The following ABCG2 variants were observed in gnomAD, a reference collection of about 807,000 sequenced individuals.
ABCG2 encodes ATP binding cassette subfamily G member 2 (JR blood group), also known as broad substrate specificity ATP-binding cassette transporter ABCG2.
In ABCG2, 80 loss-of-function variants were observed where a neutral mutation model predicts 73.5. The observed-to-expected ratio is 1.09, with a 90% CI of 0.91 to 1.31. ABCG2 has a LOEUF of 1.31. Ranked by LOEUF, ABCG2 falls within the 50% of genes most tolerant of loss-of-function variation. ABCG2 has a pLI of 0.00. For synonymous variants in ABCG2, 269 were observed against 282.4 expected (o/e 0.95, Z 0.48); for missense variants, 796 against 786.2 (o/e 1.01, Z -0.15).
chr4:88,170,390 A>G (rs938241903), intron 1 of ABCG2, among the ~76,000 whole-genome samples: 21 of 152,338 alleles, frequency 1.4e-4, no homozygotes, highest in African/African-American at 5.1e-4. Flanking sequence ...ATCCTGACAC[A>G]AAAACAGGCA....
chr4:88,146,118 A>T (rs746459729), intron 1 of ABCG2, among the ~76,000 whole-genome samples: 6 of 152,114 alleles, frequency 3.9e-5, no homozygotes, highest in African/African-American at 7.2e-5. Context: ...ACTTTTGTTA[A>T]ATCAGAACCA....
intron 1 of ABCG2, among the ~76,000 whole-genome samples, chr4:88,158,010 G>A (rs1257077864): frequency 6.6e-6 from 1 of 152,054 alleles, no homozygotes; most frequent in Non-Finnish European, 1.5e-5. Context: ...TTCCTATATT[G>A]GTCAACCCCT....
chr4:88,227,005 G>A (rs776148156), intron 1 of ABCG2, among the ~76,000 whole-genome samples: 6 of 152,066 alleles, frequency 3.9e-5, no homozygotes, highest in East Asian at 3.9e-4. Context: ...CCAGCTACTC[G>A]GGAGGTTGAT....
chr4:88,213,830 C>T (rs1729695054), intron 1 of ABCG2, among the ~76,000 whole-genome samples: 1 of 151,538 alleles, frequency 6.6e-6, no homozygotes. Flanking sequence ...CTATAGGCAC[C>T]TGCCACCGTG....
chr4:88,218,053 G>A (rs982881433), intron 1 of ABCG2, among the ~76,000 whole-genome samples: 4 of 151,690 alleles, frequency 2.6e-5, no homozygotes, highest in African/African-American at 9.7e-5. Context: ...GGTCTCCCAG[G>A]TGTTTCTCTA....
At chr4:88,193,081 A>C (rs764342402) in intron 1 of ABCG2, among the ~76,000 whole-genome samples, 13 of 151,990 alleles carry the variant, frequency 8.6e-5, no homozygotes, top group Non-Finnish European at 1.6e-4. Flanking sequence ...ATATATAATT[A>C]TTTATTTAAA....
chr4:88,146,844 C>A (rs1163696477), intron 1 of ABCG2, among the ~76,000 whole-genome samples: 1 of 147,234 alleles, frequency 6.8e-6, no homozygotes, highest in African/African-American at 2.5e-5. Context: ...GGAATCCAGC[C>A]TAAGCAACAG....
At chr4:88,152,379 A>C (rs1485687728) in intron 1 of ABCG2, among the ~76,000 whole-genome samples, 1 of 152,210 alleles carries the variant, frequency 6.6e-6, no homozygotes, top group Admixed American at 6.5e-5. Flanking sequence ...TGAGCAATAA[A>C]GCTTTTTAAT....
intron 4 of ABCG2, among the ~76,000 whole-genome samples, chr4:88,131,553 A>G (rs978594828): frequency 6.6e-6 from 1 of 152,254 alleles, no homozygotes; most frequent in Non-Finnish European, 1.5e-5. Flanking sequence ...AAAGGATAAC[A>G]GTAGTATGTA....
At chr4:88,140,917 A>T (rs570686337) in intron 1 of ABCG2, among the ~76,000 whole-genome samples, 1 of 152,298 alleles carries the variant, frequency 6.6e-6, no homozygotes, top group South Asian at 2.1e-4. Context: ...AGTTGAGCAA[A>T]AATTTAAAAC....
intron 5 of ABCG2, among the ~76,000 whole-genome samples, chr4:88,124,865 C>T (rs1024812881): frequency 6.6e-6 from 1 of 152,210 alleles, no homozygotes; most frequent in Non-Finnish European, 1.5e-5. Flanking sequence ...TTCTTCTCAG[C>T]ACCACACAGC....
rs139370979 is a variant in ABCG2 at position 88,180,865 on chromosome 4, G to A, written c.-19-40851C>T. ...TAATAATAAGTACACAGAAAACCAC[G>A]GAATATTATAACACCGTAATTCCAA... On this transcript the variant is annotated intron_variant, in intron 1 of 15. Coordinates refer to the ABCG2 transcript ENST00000515655. Among the ~76,000 whole-genome samples, 1,044 of 152,020 alleles carry A rather than the reference G, an allele frequency of 6.9e-3. 7 individuals carry two copies. The highest frequency in any genetic ancestry group is 0.023 in the African/African-American group (973 of 41,448).
At chr4:88,167,774 C>G (rs1283539270) in intron 1 of ABCG2, among the ~76,000 whole-genome samples, 1 of 152,106 alleles carries the variant, frequency 6.6e-6, no homozygotes, top group Admixed American at 6.5e-5. Flanking sequence ...GTTATAACTT[C>G]AAAATCCTTC....
chr4:88,214,894 A>G (rs1293169635), intron 1 of ABCG2, among the ~76,000 whole-genome samples: 1 of 151,866 alleles, frequency 6.6e-6, no homozygotes, highest in Non-Finnish European at 1.5e-5. Context: ...AAGTGTTGGG[A>G]TTATAGGCGA....
chr4:88,203,248 A>T (rs1729249888), intron 1 of ABCG2, among the ~76,000 whole-genome samples: 1 of 152,132 alleles, frequency 6.6e-6, no homozygotes, highest in Non-Finnish European at 1.5e-5. Context: ...AGATGAAAGA[A>T]CTGAGGGAAA....
At chr4:88,127,857 G>C (rs1011189668) in intron 5 of ABCG2, among the ~76,000 whole-genome samples, 4 of 149,926 alleles carry the variant, frequency 2.7e-5, no homozygotes, top group Non-Finnish European at 5.9e-5. Flanking sequence ...CATGGGCAAA[G>C]ACTTCATGAC....
chr4:88,135,700 T>C (rs576447915), intron 2 of ABCG2, among the ~76,000 whole-genome samples: 35 of 152,328 alleles, frequency 2.3e-4, no homozygotes, highest in African/African-American at 8.4e-4. Flanking sequence ...ACTAGCATCT[T>C]GCACAATGTC....
intron 1 of ABCG2, among the ~76,000 whole-genome samples, chr4:88,153,011 C>T (rs1317914789): frequency 6.6e-6 from 1 of 151,852 alleles, no homozygotes; most frequent in Non-Finnish European, 1.5e-5. Flanking sequence ...GAAAAAAGAA[C>T]GGAATAAGAC....
At position 88,196,786 on chromosome 4, in the gene ABCG2, C is replaced by CA. The variant is rs11355127; in HGVS notation, c.-20+34207dup. On this transcript the variant is annotated intron_variant, in intron 1 of 15. Coordinates refer to the ABCG2 transcript ENST00000515655. Reference sequence around the variant, plus strand: ...ATGATGCTCTTACACTGAAGATTACCAAAAAAAAAAAAAAATCCCCTTTAG... The same window carrying CA: ...ATGATGCTCTTACACTGAAGATTACCAAAAAAAAAAAAAAAATCCCCTTTAG... Among the ~76,000 whole-genome samples the CA allele has an allele frequency of 9.9e-3, 1,306 of 132,282 alleles. 10 individuals carry two copies. The highest frequency in any genetic ancestry group is 0.027 in the African/African-American group (983 of 36,002). The allele number at this position is 132,282 out of a possible 152,430, so 86.8% of individuals were successfully genotyped here.
Sources: gnomAD v4.1 joint callset for allele counts (sites outside exome capture counted in the v4.1 genomes callset) on GRCh38, gnomAD v4.1.1 for gene constraint, MANE v1.5 for transcripts, NCBI Gene and HGNC (gene_info 2026-07-23, HGNC 2026-07-21) for gene names.